Variants in ZMYND8 observed in about 807,000 individuals in gnomAD.
ZMYND8 encodes MYND-type zinc finger-containing chromatin reader ZMYND8.
Under a neutral mutation model 140.8 loss-of-function variants are expected in ZMYND8, and 37 were observed. The observed-to-expected ratio is 0.26, with a 90% CI of 0.20 to 0.35. The LOEUF is 0.35. Ranked by LOEUF, ZMYND8 falls within the 10% of genes least tolerant of loss-of-function variation. ZMYND8 has a pLI of 1.00. For synonymous variants in ZMYND8, 592 were observed against 597.1 expected (o/e 0.99, Z 0.12); for missense variants, 1,068 against 1,570.0 (o/e 0.68, Z 5.40).
chr20:47,210,587 G>C lies in ZMYND8; in HGVS notation c.*174C>G, dbSNP rs556738803. 83 of 894,542 alleles carry C rather than the reference G, an allele frequency of 9.3e-5. No homozygotes were observed. The highest frequency in any genetic ancestry group is 7.4e-5 in the Non-Finnish European group (42 of 569,208). The allele number at this position is 894,542 out of a possible 1,614,324, so 55.4% of individuals were successfully genotyped here. On this transcript the variant is annotated 3_prime_UTR_variant, in exon 23 of 23. Coordinates refer to ENST00000471951, the MANE Select transcript of ZMYND8 (RefSeq NM_001281775.3). Reference sequence around the variant, plus strand: ...GGGTGAACAGTCTGCAGTCAAAGCCGATGCTGGGTGTCCTGTAGTGTAGCA... The same window carrying C: ...GGGTGAACAGTCTGCAGTCAAAGCCCATGCTGGGTGTCCTGTAGTGTAGCA...
In ZMYND8 at chr20:47,214,771, A is replaced by C. The variant is rs539621276; in HGVS notation, c.3485-2046T>G. Among the ~76,000 whole-genome samples, 42 of 152,308 alleles carry C rather than the reference A, an allele frequency of 2.8e-4. 2 individuals carry two copies. In the South Asian group the frequency reaches 8.5e-3, roughly 31 times the overall value. On this transcript the variant is annotated intron_variant, in intron 21 of 22. Coordinates refer to ENST00000471951, the MANE Select transcript of ZMYND8 (RefSeq NM_001281775.3). ...TGGCCTCTCAAGGTGTTGGGATTAT[A>C]GGCATGAGCCACCACGCCTGACCTA...
At chr20:47,257,004 G>A (rs1055399827) in intron 12 of ZMYND8, among the ~76,000 whole-genome samples, 5 of 152,100 alleles carry the variant, frequency 3.3e-5, no homozygotes, top group Non-Finnish European at 5.9e-5. Context: ...AAGCAAACAG[G>A]AGTCTGGAAG....
chr20:47,219,157 A>G (rs2036573314), intron 21 of ZMYND8, among the ~76,000 whole-genome samples: 1 of 146,936 alleles, frequency 6.8e-6, no homozygotes, highest in Non-Finnish European at 1.5e-5. Context: ...TCCTGGGTTC[A>G]AGCGATTCTC....
intron 18 of ZMYND8, among the ~76,000 whole-genome samples, chr20:47,226,421 C>T (rs191742999): frequency 2.0e-5 from 3 of 152,292 alleles, no homozygotes; most frequent in Admixed American, 2.0e-4. Flanking sequence ...CTTAACTATA[C>T]AGAACGACAG....
chr20:47,313,423 C>T (rs925089181), intron 2 of ZMYND8, among the ~76,000 whole-genome samples: 2 of 150,588 alleles, frequency 1.3e-5, no homozygotes, highest in South Asian at 2.1e-4. Flanking sequence ...GAGATCGAGA[C>T]CATCCTGGCT....
chr20:47,336,027 T>G (rs1476848520), intron 2 of ZMYND8, among the ~76,000 whole-genome samples: 2 of 152,232 alleles, frequency 1.3e-5, no homozygotes, highest in African/African-American at 4.8e-5. Context: ...ATGCTCATTT[T>G]TTGAAAGAAA....
intron 16 of ZMYND8, among the ~76,000 whole-genome samples, chr20:47,231,142 C>T (rs535896491): frequency 2.6e-5 from 4 of 152,226 alleles, no homozygotes; most frequent in South Asian, 2.1e-4. Flanking sequence ...AGCTAAGGTC[C>T]CTGCAGCAGG....
chr20:47,290,404 C>G (rs2077178941), intron 6 of ZMYND8, 130 bp from the exon 7 acceptor site: 1 of 682,166 alleles, frequency 1.5e-6, no homozygotes, highest in Non-Finnish European at 2.4e-6. Flanking sequence ...ATTCATTTCC[C>G]AAGATGCTTC....
intron 14 of ZMYND8, among the ~76,000 whole-genome samples, chr20:47,243,290 C>T (rs933649118): frequency 4.6e-5 from 7 of 152,178 alleles, no homozygotes; most frequent in African/African-American, 1.4e-4. Context: ...GAGTCTGACA[C>T]GAGAATTTTT....
intron 21 of ZMYND8, among the ~76,000 whole-genome samples, 192 bp downstream of exon 21, chr20:47,220,066 T>G (rs2036714223): frequency 6.6e-6 from 1 of 152,152 alleles, no homozygotes; most frequent in Non-Finnish European, 1.5e-5. Context: ...CCGATCAGCT[T>G]GAAGAGGTAC....
chr20:47,312,755 A>G (rs2079034126), intron 2 of ZMYND8, among the ~76,000 whole-genome samples: 1 of 147,204 alleles, frequency 6.8e-6, no homozygotes, highest in South Asian at 2.1e-4. Flanking sequence ...ACACCGCTGC[A>G]CTCCAGTCTG....
intron 13 of ZMYND8, among the ~76,000 whole-genome samples, chr20:47,247,815 C>T (rs768550687): frequency 6.6e-6 from 1 of 152,272 alleles, no homozygotes; most frequent in South Asian, 2.1e-4. Context: ...AGGGCTCAAT[C>T]AAAAACACAA....
intron 21 of ZMYND8, among the ~76,000 whole-genome samples, chr20:47,217,527 A>T (rs1341550501): frequency 6.6e-6 from 1 of 152,116 alleles, no homozygotes; most frequent in Non-Finnish European, 1.5e-5. Context: ...CCAAGTTCGT[A>T]TCCTTCCTAA....
chr20:47,332,071 G>A (rs1245539856), intron 2 of ZMYND8, among the ~76,000 whole-genome samples: 1 of 152,148 alleles, frequency 6.6e-6, no homozygotes, highest in Non-Finnish European at 1.5e-5. Flanking sequence ...AATACACTTT[G>A]GAAGGCTGAG....
chr20:47,252,291 CAAAAAAAAA>C lies in ZMYND8; in HGVS notation c.1622-2861_1622-2853del, dbSNP rs144291181. 0.013 allele frequency among the ~76,000 whole-genome samples: 921 copies of C among 68,962 alleles called. 51 individuals are homozygous for C. In the East Asian group the frequency reaches 0.24, roughly 18 times the overall value. 45.2% of individuals were successfully genotyped at this position (68,962 alleles called of 152,430 possible). On this transcript the variant is annotated intron_variant, in intron 12 of 22. Coordinates refer to ENST00000471951, the MANE Select transcript of ZMYND8 (RefSeq NM_001281775.3). ...TGGGCGACAGAGCAAGACTCTGTCT[CAAAAAAAAA>C]AAAAAAAAAAAAAAGCCCAGATTAA...
chr20:47,282,034 T>A, intron 10 of ZMYND8, 68 bp downstream of exon 10: 1 of 1,290,212 alleles, frequency 7.8e-7, no homozygotes, highest in Non-Finnish European at 1.1e-6. Context: ...TCCACTTCTT[T>A]TCTTATCTCA....
Position 47,298,358 on chromosome 20 carries a change from G to A in ZMYND8, c.453+371C>T, listed in dbSNP as rs1005627007. ...CTGCTGATGATTCAATGATGCGGCA[G>A]GCAACAACATCCAAGACGGAGAAAA... On this transcript the variant is annotated intron_variant, in intron 4 of 22. Transcript: ENST00000471951. This position sits in a 1 kb window ranked among gnomAD's most constrained non-coding sequence, Gnocchi z 5.0. 1.1e-4 allele frequency: 106 copies of A among 985,272 alleles called. No individual in the cohort carries two copies. Among genetic ancestry groups the A allele is most frequent in the Non-Finnish European group, 1.3e-4 (106 of 829,940 alleles). The allele number at this position is 985,272 out of a possible 1,614,324, so 61.0% of individuals were successfully genotyped here. A position where few individuals can be genotyped will look rare whatever the true frequency, so the allele number is the denominator to read the frequency against.
chr20:47,252,833 C>G (rs1017786747), intron 12 of ZMYND8, among the ~76,000 whole-genome samples: 1 of 152,116 alleles, frequency 6.6e-6, no homozygotes, highest in Non-Finnish European at 1.5e-5. Context: ...GTGGGAGGAT[C>G]GCTTGAGCCC....
At chr20:47,255,785 A>ATG (rs200775423) in intron 12 of ZMYND8, among the ~76,000 whole-genome samples, 2,676 of 119,614 alleles carry the variant, frequency 0.022, 138 homozygotes, top group African/African-American at 0.082. Context: ...ATATATTTGT[A>ATG]TGTGTATATA....
Sources: gnomAD v4.1 joint callset for allele counts (sites outside exome capture counted in the v4.1 genomes callset) on GRCh38, gnomAD v4.1.1 for gene constraint, Gnocchi (gnomAD v3.1) non-coding constraint, MANE v1.5 for transcripts, NCBI Gene and HGNC (gene_info 2026-07-23, HGNC 2026-07-21) for gene names.